The following CFAP20DC variants were observed in gnomAD, a reference collection of about 807,000 sequenced individuals.
CFAP20DC encodes the protein protein CFAP20DC.
CFAP20DC carries 84 observed loss-of-function variants against 101.7 expected under a neutral mutation model. The ratio of observed to expected loss-of-function variants is 0.83; its 90% confidence interval spans 0.69 to 0.99. CFAP20DC has a LOEUF of 0.99. CFAP20DC is among the 50% of genes least tolerant of loss of function. The pLI is 0.00. For missense variants in CFAP20DC, 1,007 were observed against 970.3 expected, an observed-to-expected ratio of 1.04 and a Z score of -0.50; for synonymous variants, 359 against 351.2, an observed-to-expected ratio of 1.02 and a Z score of -0.25.
At chr3:58,952,918 C>T (rs1016267067) in intron 4 of CFAP20DC, among the ~76,000 whole-genome samples, 3 of 151,828 alleles carry the variant, frequency 2.0e-5, no homozygotes, top group African/African-American at 7.3e-5. Flanking sequence ...CAAGTCTGGA[C>T]GTAGATACTG....
intron 5 of CFAP20DC, among the ~76,000 whole-genome samples, chr3:58,924,316 T>C (rs778096505): frequency 3.3e-5 from 5 of 152,206 alleles, no homozygotes; most frequent in African/African-American, 7.2e-5. Flanking sequence ...CTCCCATTTA[T>C]GAGTAAGAAT....
chr3:58,834,783 C>A (rs898856680), intron 13 of CFAP20DC, among the ~76,000 whole-genome samples: 6 of 152,052 alleles, frequency 3.9e-5, no homozygotes, highest in African/African-American at 7.2e-5. Context: ...GGGGGGTCTC[C>A]AAATGCGTGA....
chr3:58,763,376 T>C (rs2069874186), intron 15 of CFAP20DC, among the ~76,000 whole-genome samples: 1 of 152,378 alleles, frequency 6.6e-6, no homozygotes, highest in South Asian at 2.1e-4. Flanking sequence ...TGTGCCTTGG[T>C]TTTCAGCTCC....
rs2079862146 is a variant in CFAP20DC, at chr3:58,868,311, C to T, written c.1016-375G>A. ...GAAGTGTCGATAACTATACTTTCAA[C>T]AAGAGCATAGAGAGCAGCTTCCAAA... On this transcript the variant is annotated intron_variant, in intron 9 of 16. Coordinates refer to ENST00000482387, the MANE Select transcript of CFAP20DC (RefSeq NM_001394063.1). The surrounding 1 kb of genome is among the most constrained non-coding windows in gnomAD (Gnocchi z 4.6). Among the ~76,000 whole-genome samples, 1 of 152,102 alleles carries T rather than the reference C, an allele frequency of 6.6e-6. No individual in the cohort carries two copies. The highest frequency in any genetic ancestry group is 1.5e-5 in the Non-Finnish European group (1 of 67,994).
intron 14 of CFAP20DC, among the ~76,000 whole-genome samples, chr3:58,820,759 C>A (rs2075572092): frequency 6.8e-6 from 1 of 146,552 alleles, no homozygotes; most frequent in Non-Finnish European, 1.5e-5. Context: ...CATCAAGCTA[C>A]CAATGACTTT....
At chr3:58,747,304 G>C (rs1378579460) in intron 16 of CFAP20DC, among the ~76,000 whole-genome samples, 4 of 152,180 alleles carry the variant, frequency 2.6e-5, no homozygotes, top group Admixed American at 6.5e-5. Flanking sequence ...CAGACCAAAT[G>C]CAGCAATACG....
intron 15 of CFAP20DC, among the ~76,000 whole-genome samples, chr3:58,774,290 T>G (rs959755542): frequency 6.6e-6 from 1 of 152,194 alleles, no homozygotes; most frequent in Non-Finnish European, 1.5e-5. Flanking sequence ...CAGTAAAGTG[T>G]GACATTGTAG....
At chr3:59,016,991 T>C (rs1247803413) in intron 4 of CFAP20DC, among the ~76,000 whole-genome samples, 4 of 152,070 alleles carry the variant, frequency 2.6e-5, no homozygotes, top group South Asian at 2.1e-4. Context: ...CACAAACCAA[T>C]GTTTCCTATT....
intron 4 of CFAP20DC, among the ~76,000 whole-genome samples, chr3:59,033,400 C>T (rs2094033621): frequency 1.3e-5 from 2 of 152,066 alleles, no homozygotes; most frequent in Non-Finnish European, 2.9e-5. Flanking sequence ...ACAAACTCCT[C>T]CAAGCTAAAG....
chr3:58,818,389 G>A (rs2075359567), intron 14 of CFAP20DC, among the ~76,000 whole-genome samples: 1 of 147,920 alleles, frequency 6.8e-6, no homozygotes, highest in Non-Finnish European at 1.5e-5. Context: ...CTGTATTCAG[G>A]AAACCCATCT....
In CFAP20DC at chr3:59,006,926, C is replaced by A. The variant is rs971902211; in HGVS notation, c.278+32631G>T. Among the ~76,000 whole-genome samples the A allele has an allele frequency of 2.3e-4, 35 of 152,144 alleles. No homozygotes were observed. The highest frequency in any genetic ancestry group is 2.4e-4 in the Non-Finnish European group (16 of 68,028). ...CTGAAAGCCTTGCTTGCTTTCTCAG[C>A]GTGGAAGCTTATGGCCTGGGGCAGG... is the stretch of plus-strand genomic sequence containing the variant. On this transcript the variant is annotated intron_variant, in intron 4 of 16. Coordinates refer to ENST00000482387, the MANE Select transcript of CFAP20DC (RefSeq NM_001394063.1). The surrounding 1 kb of genome is among the most constrained non-coding windows in gnomAD (Gnocchi z 4.3).
chr3:58,749,107 C>T (rs1182286101), intron 16 of CFAP20DC, among the ~76,000 whole-genome samples: 2 of 152,054 alleles, frequency 1.3e-5, no homozygotes, highest in Non-Finnish European at 1.5e-5. Flanking sequence ...CTTCGAGGTA[C>T]AAAAAAGATC....
Position 58,742,335 on chromosome 3 carries a change from G to T in CFAP20DC, c.*125C>A. 2 of 1,274,190 alleles carry T rather than the reference G, an allele frequency of 1.6e-6. No homozygotes were observed. The highest frequency in any genetic ancestry group is 2.4e-4 in the Middle Eastern group (1 of 4,158). The allele number at this position is 1,274,190 out of a possible 1,614,324, so 78.9% of individuals were successfully genotyped here. On this transcript the variant is annotated 3_prime_UTR_variant, in exon 17 of 17. Coordinates refer to ENST00000482387, the MANE Select transcript of CFAP20DC (RefSeq NM_001394063.1). ...TGAACATTATTTACAAAATGAATTC[G>T]TTTCTCTCAGTTACTGTTGATTTTG...
chr3:58,937,313 G>C (rs917629854), intron 5 of CFAP20DC, among the ~76,000 whole-genome samples: 2 of 152,130 alleles, frequency 1.3e-5, no homozygotes, highest in African/African-American at 4.8e-5. Flanking sequence ...AAATCTTAGA[G>C]TTCTCCCAAG....
chr3:58,932,976 G>A (rs182738367), intron 5 of CFAP20DC, among the ~76,000 whole-genome samples: 19 of 152,206 alleles, frequency 1.2e-4, no homozygotes, highest in Admixed American at 1.2e-3. Flanking sequence ...AACACAGACT[G>A]GCAAATTGGA....
chr3:58,961,032 G>A (rs1233623635), intron 4 of CFAP20DC, among the ~76,000 whole-genome samples: 1 of 152,046 alleles, frequency 6.6e-6, no homozygotes, highest in Non-Finnish European at 1.5e-5. Flanking sequence ...CTACTAACAG[G>A]GCATACTACG....
At chr3:58,984,784 C>T (rs937506031) in intron 4 of CFAP20DC, among the ~76,000 whole-genome samples, 3 of 152,148 alleles carry the variant, frequency 2.0e-5, no homozygotes, top group African/African-American at 7.2e-5. Flanking sequence ...GTTGGGTGGG[C>T]TATTACTGAA....
intron 15 of CFAP20DC, among the ~76,000 whole-genome samples, chr3:58,763,086 C>A (rs1559555864): frequency 6.6e-6 from 1 of 152,112 alleles, no homozygotes. Context: ...TGTTGGCCTG[C>A]CTTGCTAGAT....
At chr3:58,952,467 C>G (rs892456146) in intron 4 of CFAP20DC, among the ~76,000 whole-genome samples, 2 of 152,102 alleles carry the variant, frequency 1.3e-5, no homozygotes, top group Non-Finnish European at 2.9e-5. Flanking sequence ...TATTGCAGTG[C>G]TTGTATTCAA....
Sources: allele counts gnomAD v4.1 joint callset (sites outside exome capture counted in the v4.1 genomes callset), GRCh38; gene constraint gnomAD v4.1.1; non-coding constraint Gnocchi (gnomAD v3.1); transcripts MANE v1.5; gene names NCBI Gene and HGNC (gene_info 2026-07-23, HGNC 2026-07-21).